The following TAS2R31 variants were observed in gnomAD, a reference collection of about 807,000 sequenced individuals.
The protein encoded by TAS2R31 is taste receptor type 2 member 31.
For synonymous variants in TAS2R31, 118 were observed against 131.4 expected (o/e 0.90, Z 0.70); for missense variants, 352 against 347.4 (o/e 1.01, Z -0.10).
rs72475489 is a variant in TAS2R31, at chr12:11,031,153, T to A, written c.183A>T (p.Val61=). 1.3e-6 allele frequency: 2 copies of A among 1,520,698 alleles called. No individual in the cohort carries two copies. The highest frequency in any genetic ancestry group is 4.6e-5 in the East Asian group (2 of 43,944). The allele number at this position is 1,520,698 out of a possible 1,614,324, so 94.2% of individuals were successfully genotyped here. A position where few individuals can be genotyped will look rare whatever the true frequency, so the allele number is the denominator to read the frequency against. Residue 61 remains valine, a synonymous_variant, in exon 1 of 1, where the codon GTA becomes GTT. Coordinates refer to ENST00000390675, the MANE Select transcript of TAS2R31 (RefSeq NM_176885.2). ...CAGTTGAATACCAATTTAATAATAA[T>A]ACCCAGAGCAAACCAACTCTGGAGA... ...LAVSRVGLLW[V]LLLNWYSTVF...
chr12:11,030,832 C>G lies in TAS2R31; in HGVS notation c.504G>C (p.Leu168Phe). Residue 168 changes from leucine to phenylalanine, a missense_variant, in exon 1 of 1, where the codon TTG becomes TTC. Leu to Phe is a conservative substitution (Grantham distance 22). Coordinates refer to ENST00000390675, the MANE Select transcript of TAS2R31 (RefSeq NM_176885.2). Reference sequence around the variant, plus strand: ...CATCTGAAAGGTACACTGCACTCCTCAATTTGATCTTCCAAGTCAAGTTTC... The same window carrying G: ...CATCTGAAAGGTACACTGCACTCCTGAATTTGATCTTCCAAGTCAAGTTTC... ...YEGNLTWKIKLRSAVYLSDAT... is the reference protein window; with the variant it reads ...YEGNLTWKIKFRSAVYLSDAT... 6.2e-7 allele frequency: 1 copy of G among 1,614,188 alleles called. No individual in the cohort carries two copies. Among genetic ancestry groups the G allele is most frequent in the Non-Finnish European group, 8.5e-7 (1 of 1,179,998 alleles).
the TAS2R31 span, chr12:11,030,586 C>T: frequency 6.2e-7 from 1 of 1,614,216 alleles, no homozygotes; most frequent in South Asian, 1.1e-5. Flanking sequence ...TCCCAAAACT[C>T]CAAACTGATA....
At position 11,030,861 on chromosome 12, in the gene TAS2R31, C is replaced by T. The variant is rs751450884; in HGVS notation, c.475G>A (p.Glu159Lys). The part of the protein sequence containing the change: ...MKEIVRTKEY[E>K]GNLTWKIKLR... ...TTGATCTTCCAAGTCAAGTTTCCTTCATATTCTTTTGTCCGTACAATCTCT... is the reference window on the plus strand; with the variant it reads ...TTGATCTTCCAAGTCAAGTTTCCTTTATATTCTTTTGTCCGTACAATCTCT... Residue 159 changes from glutamate to lysine, a missense_variant, in exon 1 of 1, where the codon GAA (glutamate) becomes AAA (lysine). Transcript: ENST00000390675. The T allele has an allele frequency of 4.3e-6, 7 of 1,614,036 alleles. No individual in the cohort carries two copies. The South Asian group carries it at 5.5e-5, about 13-fold the overall frequency.
Position 11,031,214 on chromosome 12 carries a change from A to G in TAS2R31, c.122T>C (p.Ile41Thr), listed in dbSNP as rs761384693. 6.2e-7 allele frequency: 1 copy of G among 1,614,118 alleles called. No homozygotes were observed. The highest frequency in any genetic ancestry group is 1.1e-5 in the South Asian group (1 of 91,072). The change falls in exon 1 of 1, where the codon ATC becomes ACC. Residue 41 changes from isoleucine (I) to threonine (T), a missense_variant. By Grantham distance (89) the Ile-to-Thr change is moderately conservative (BLOSUM62 -1). Transcript: ENST00000390675. ...NSIERVKRQK[I>T]SFADQILTAL... ...AGTGAGAATCTGGTCAGCAAAAGAG[A>G]TCTTTTGTCTCTTGACCCGCTCAAT...
Position 11,030,421 on chromosome 12 carries a change from C to T in TAS2R31, c.915G>A (p.Lys305=). ...RQVRYWVKGE[K]PSSP ...TCTCATGAATCTATGGAGATGAAGGCTTCTCTCCTTTCACCCAGTACCTCA... is the reference window on the plus strand; with the variant it reads ...TCTCATGAATCTATGGAGATGAAGGTTTCTCTCCTTTCACCCAGTACCTCA... The change falls in exon 1 of 1, where the codon AAG becomes AAA. Residue 305 remains lysine (K), a synonymous_variant. Coordinates refer to ENST00000390675, the MANE Select transcript of TAS2R31 (RefSeq NM_176885.2). 6.2e-7 allele frequency: 1 copy of T among 1,613,988 alleles called. No homozygotes were observed. The highest frequency in any genetic ancestry group is 8.5e-7 in the Non-Finnish European group (1 of 1,179,874).
rs373590595 is a variant in TAS2R31 at position 11,030,601 on chromosome 12, T to A, written c.735A>T (p.Ile245=). 460 of 1,613,922 alleles carry A rather than the reference T, an allele frequency of 2.9e-4. No individual in the cohort carries two copies. The highest frequency in any genetic ancestry group is 3.6e-4 in the Non-Finnish European group (419 of 1,179,962). The change falls in exon 1 of 1, where the codon ATA becomes ATT. Residue 245 remains isoleucine, a synonymous_variant. Transcript: ENST00000390675. ...TCCCAAAACTCCAAACTGATATCAT[T>A]ATGGACAGAAAGTAAACGGCACATA... The part of the protein sequence containing the change: ...LLLCAVYFLS[I]MISVWSFGSL...
rs143614038 is a variant in TAS2R31 at position 11,031,203 on chromosome 12, C to G, written c.133G>C (p.Asp45His). ...ACCGCCAGAGCAGTGAGAATCTGGTCAGCAAAAGAGATCTTTTGTCTCTTG... is the reference window on the plus strand; with the variant it reads ...ACCGCCAGAGCAGTGAGAATCTGGTGAGCAAAAGAGATCTTTTGTCTCTTG... The part of the protein sequence containing the change: ...RVKRQKISFA[D>H]QILTALAVSR... The change falls in exon 1 of 1, where the codon GAC becomes CAC. Residue 45 changes from aspartate (D) to histidine (H), a missense_variant. Asp to His is a moderately conservative substitution (Grantham distance 81). Transcript: ENST00000390675. The G allele has an allele frequency of 3.0e-3, 4,796 of 1,614,148 alleles. 6 individuals are homozygous for G. Among genetic ancestry groups the G allele is most frequent in the Non-Finnish European group, 3.6e-3 (4,202 of 1,180,006 alleles).
At position 11,030,687 on chromosome 12, in the gene TAS2R31, G is replaced by C. The variant is rs10845294; in HGVS notation, c.649C>G (p.Gln217Glu). Residue 217 changes from glutamine to glutamate, a missense_variant, in exon 1 of 1, where the codon CAA becomes GAA. Transcript: ENST00000390675. ...KKMQLHGKGS[Q>E]DPSTKVHIKA... The stretch of plus-strand genomic sequence containing the variant: ...ATGTGGACCTTGGTGCTGGGATCTT[G>C]AGATCCTTTACCATGGAGCTGCATC... 382,620 of 1,612,686 alleles carry C rather than the reference G, an allele frequency of 0.24. 49,536 individuals are homozygous for C. The highest frequency in any genetic ancestry group is 0.27 in the Non-Finnish European group (316,226 of 1,178,888).
Position 11,031,170 on chromosome 12 carries a change from C to T in TAS2R31, c.166G>A (p.Val56Ile). The change falls in exon 1 of 1, where the codon GTT becomes ATT. Residue 56 changes from valine (V) to isoleucine (I), a missense_variant. Physicochemically the swap from Val to Ile is conservative, Grantham distance 29 (BLOSUM62 3). Transcript: ENST00000390675. ...QILTALAVSR[V>I]GLLWVLLLNW... Reference sequence around the variant, plus strand: ...AATAATAATACCCAGAGCAAACCAACTCTGGAGACCGCCAGAGCAGTGAGA... The same window carrying T: ...AATAATAATACCCAGAGCAAACCAATTCTGGAGACCGCCAGAGCAGTGAGA... The T allele has an allele frequency of 6.2e-7, 1 of 1,614,218 alleles. No individual in the cohort carries two copies.
In TAS2R31 at chr12:11,031,252, T is replaced by A. The variant is rs770245585; in HGVS notation, c.84A>T (p.Ala28=). The change falls in exon 1 of 1, where the codon GCA becomes GCT. Residue 28 remains alanine (A), a synonymous_variant. Coordinates refer to ENST00000390675, the MANE Select transcript of TAS2R31 (RefSeq NM_176885.2). ...VIGNFANGFI[A]LVNSIERVKR... is the part of the protein sequence containing the mutation. ...TGACCCGCTCAATGGAATTTACCAATGCTATGAAGCCATTAGCAAAATTTC... is the reference window on the plus strand; with the variant it reads ...TGACCCGCTCAATGGAATTTACCAAAGCTATGAAGCCATTAGCAAAATTTC... 2.0e-5 allele frequency: 30 copies of A among 1,515,912 alleles called. No homozygotes were observed. In the East Asian group the frequency reaches 6.4e-4, roughly 32 times the overall value. 93.9% of individuals were successfully genotyped at this position (1,515,912 alleles called of 1,614,324 possible). A position where few individuals can be genotyped will look rare whatever the true frequency, so the allele number is the denominator to read the frequency against.
chr12:11,030,934 C>T lies in TAS2R31; in HGVS notation c.402G>A (p.Leu134=). The T allele has an allele frequency of 3.1e-6, 5 of 1,614,248 alleles. No homozygotes were observed. The highest frequency in any genetic ancestry group is 1.6e-4 in the Middle Eastern group (1 of 6,062). The change falls in exon 1 of 1, where the codon TTG becomes TTA. Residue 134 remains leucine, a synonymous_variant. Transcript: ENST00000390675. Reference sequence around the variant, plus strand: ...GACAAGCCAAAAATAGTAAAGGCCCCAACAGCATCACCAGAATGACACTCT... The same window carrying T: ...GACAAGCCAAAAATAGTAAAGGCCCTAACAGCATCACCAGAATGACACTCT... ...RVKSVILVML[L]GPLLFLACQL...
At position 11,030,430 on chromosome 12, in the gene TAS2R31, T is replaced by C; in HGVS notation, c.906A>G (p.Lys302=). ...SVLRQVRYWV[K]GEKPSSP The stretch of plus-strand genomic sequence containing the variant: ...TCTATGGAGATGAAGGCTTCTCTCC[T>C]TTCACCCAGTACCTCACTTGCCGCA... The change falls in exon 1 of 1, where the codon AAA becomes AAG. Residue 302 remains lysine, a synonymous_variant. Coordinates refer to ENST00000390675, the MANE Select transcript of TAS2R31 (RefSeq NM_176885.2). 2 of 1,614,192 alleles carry C rather than the reference T, an allele frequency of 1.2e-6. No individual in the cohort carries two copies. Among genetic ancestry groups the C allele is most frequent in the Non-Finnish European group, 1.7e-6 (2 of 1,179,986 alleles).
rs1942210257 is a variant in TAS2R31, at chr12:11,031,406, C to G, written c.-71G>C. 1 of 1,546,632 alleles carries G rather than the reference C, an allele frequency of 6.5e-7. No individual in the cohort carries two copies. ...CGGAGTTGGTTCCTGCAGGTGGGTT[C>G]GTGGTCTCCCTGACTTCAAAAATGG... On this transcript the variant is annotated 5_prime_UTR_variant, in exon 1 of 1. Transcript: ENST00000390675.
chr12:11,030,805 C>T lies in TAS2R31; in HGVS notation c.531G>A (p.Ala177=), dbSNP rs372033706. The T allele has an allele frequency of 1.5e-5, 24 of 1,614,030 alleles. No individual in the cohort carries two copies. Among genetic ancestry groups the T allele is most frequent in the African/African-American group, 6.7e-5 (5 of 74,914 alleles). Residue 177 remains alanine, a synonymous_variant, in exon 1 of 1, where the codon GCG becomes GCA. Coordinates refer to ENST00000390675, the MANE Select transcript of TAS2R31 (RefSeq NM_176885.2). The stretch of plus-strand genomic sequence containing the variant: ...CTAAGTTTCCTAGCGTGGTTACAGT[C>T]GCATCTGAAAGGTACACTGCACTCC... ...KLRSAVYLSD[A]TVTTLGNLVP...
chr12:11,031,200 G>C lies in TAS2R31; in HGVS notation c.136C>G (p.Gln46Glu). Reference protein sequence around the residue: ...VKRQKISFADQILTALAVSRV... With the variant: ...VKRQKISFADEILTALAVSRV... ...GAGACCGCCAGAGCAGTGAGAATCT[G>C]GTCAGCAAAAGAGATCTTTTGTCTC... The change falls in exon 1 of 1, where the codon CAG (glutamine) becomes GAG (glutamate). Residue 46 changes from glutamine to glutamate, a missense_variant. Transcript: ENST00000390675. The C allele has an allele frequency of 6.2e-7, 1 of 1,614,084 alleles. No individual in the cohort carries two copies. Among genetic ancestry groups the C allele is most frequent in the Non-Finnish European group, 8.5e-7 (1 of 1,179,996 alleles).
Position 11,030,511 on chromosome 12 carries a change from G to C in TAS2R31, c.825C>G (p.His275Gln). ...KAIRFSYPSI[H>Q]PFILIWGNKK... ...TGTTTCCCCAAATCAGGATGAATGGGTGGATTGAAGGATAGCTGAATCTAA... is the reference window on the plus strand; with the variant it reads ...TGTTTCCCCAAATCAGGATGAATGGCTGGATTGAAGGATAGCTGAATCTAA... The change falls in exon 1 of 1, where the codon CAC (histidine) becomes CAG (glutamine). Residue 275 changes from histidine (H) to glutamine (Q), a missense_variant. Transcript: ENST00000390675. 1 of 1,614,258 alleles carries C rather than the reference G, an allele frequency of 6.2e-7. No individual in the cohort carries two copies. The highest frequency in any genetic ancestry group is 1.1e-5 in the South Asian group (1 of 91,092).
At position 11,031,246 on chromosome 12, in the gene TAS2R31, T is replaced by A; in HGVS notation, c.90A>T (p.Val30=). The stretch of plus-strand genomic sequence containing the variant: ...GTCTCTTGACCCGCTCAATGGAATT[T>A]ACCAATGCTATGAAGCCATTAGCAA... The part of the protein sequence containing the change: ...GNFANGFIAL[V]NSIERVKRQK... The change falls in exon 1 of 1, where the codon GTA becomes GTT. Residue 30 remains valine (V), a synonymous_variant. Transcript: ENST00000390675. The A allele has an allele frequency of 2.5e-6, 4 of 1,614,106 alleles. No individual in the cohort carries two copies. Among genetic ancestry groups the A allele is most frequent in the Non-Finnish European group, 2.5e-6 (3 of 1,179,962 alleles).
At position 11,030,389 on chromosome 12, in the gene TAS2R31, A is replaced by G; in HGVS notation, c.*17T>C. ...TTTGTTTTCTGCTAGAAGACACACAATGCCCCTCTCATGAATCTATGGAGA... is the reference window on the plus strand; with the variant it reads ...TTTGTTTTCTGCTAGAAGACACACAGTGCCCCTCTCATGAATCTATGGAGA... On this transcript the variant is annotated 3_prime_UTR_variant, in exon 1 of 1. Transcript: ENST00000390675. 3 of 1,608,150 alleles carry G rather than the reference A, an allele frequency of 1.9e-6. No homozygotes were observed. The highest frequency in any genetic ancestry group is 2.5e-6 in the Non-Finnish European group (3 of 1,177,428).
rs893020358 is a variant in TAS2R31, at chr12:11,031,308, A to T, written c.28T>A (p.Ser10Thr). 6.2e-7 allele frequency: 1 copy of T among 1,613,418 alleles called. No homozygotes were observed. The highest frequency in any genetic ancestry group is 1.3e-5 in the African/African-American group (1 of 74,844). MTTFIPIIFSSVVVVLFVIG... is the reference protein window; with the variant it reads MTTFIPIIFTSVVVVLFVIG... Reference sequence around the variant, plus strand: ...ACAAATAGAACCACTACCACACTGGAAAAAATGATGGGTATAAAAGTTGTC... The same window carrying T: ...ACAAATAGAACCACTACCACACTGGTAAAAATGATGGGTATAAAAGTTGTC... Residue 10 changes from serine to threonine, a missense_variant, in exon 1 of 1, where the codon TCC (serine) becomes ACC (threonine). By Grantham distance (58) the Ser-to-Thr change is moderately conservative. Coordinates refer to ENST00000390675, the MANE Select transcript of TAS2R31 (RefSeq NM_176885.2).
Sources: allele counts gnomAD v4.1 joint callset, GRCh38; gene constraint gnomAD v4.1.1; transcripts MANE v1.5; gene names NCBI Gene and HGNC (gene_info 2026-07-23, HGNC 2026-07-21).